FMN2: variants seen among roughly 807,000 people sequenced by gnomAD.
FMN2 encodes formin 2, also known as formin-2.
In FMN2, 51 loss-of-function variants were observed where a neutral mutation model predicts 142.3. That is an observed-to-expected ratio of 0.36 (90% confidence interval 0.29 to 0.45). The LOEUF (loss-of-function observed/expected upper bound fraction) is 0.45. Ranked by LOEUF, FMN2 falls within the 20% of genes least tolerant of loss-of-function variation. The pLI, the probability that FMN2 is intolerant of heterozygous loss-of-function variation, is 1.00. For synonymous variants in FMN2, 882 were observed against 869.8 expected (o/e 1.01, Z -0.25); for missense variants, 1,936 against 2,122.8 (o/e 0.91, Z 1.73).
chr1:240,121,768 T>G lies in FMN2; in HGVS notation c.1616-1411T>G, dbSNP rs182881814. Among the ~76,000 whole-genome samples the G allele has an allele frequency of 1.6e-3, 116 of 72,446 alleles. 1 individual carries two copies. The highest frequency in any genetic ancestry group is 0.019 in the Middle Eastern group (2 of 108). 47.5% of individuals were successfully genotyped at this position (72,446 alleles called of 152,430 possible). A position where few individuals can be genotyped will look rare whatever the true frequency, so the allele number is the denominator to read the frequency against. Reference sequence around the variant, plus strand: ...AAAAAAAAAAAAAAAAAAAAAAAAGTCCTTAAGTTCAGACCTATGCTAGAG... The same window carrying G: ...AAAAAAAAAAAAAAAAAAAAAAAAGGCCTTAAGTTCAGACCTATGCTAGAG... On this transcript the variant is annotated intron_variant, in intron 1 of 17. Transcript: ENST00000319653.
intron 16 of FMN2, among the ~76,000 whole-genome samples, chr1:240,467,744 AT>A (rs1318596215): frequency 6.6e-6 from 1 of 152,198 alleles, no homozygotes; most frequent in African/African-American, 2.4e-5. Flanking sequence ...TCGAGATGAA[AT>A]TTATTTTACT....
At chr1:240,114,292 C>T (rs1460378407) in intron 1 of FMN2, among the ~76,000 whole-genome samples, 1 of 152,184 alleles carries the variant, frequency 6.6e-6, no homozygotes, top group Non-Finnish European at 1.5e-5. Context: ...TACCTGGTAA[C>T]TAGTCCATCC....
intron 15 of FMN2, among the ~76,000 whole-genome samples, chr1:240,431,375 A>T (rs1257708327): frequency 6.8e-6 from 1 of 147,656 alleles, no homozygotes; most frequent in African/African-American, 2.5e-5. Context: ...TAAACTCCAT[A>T]GTGTTTTCTG....
At chr1:240,363,405 T>G (rs1014863431) in intron 14 of FMN2, among the ~76,000 whole-genome samples, 1 of 152,240 alleles carries the variant, frequency 6.6e-6, no homozygotes, top group African/African-American at 2.4e-5. Flanking sequence ...GGTGTGATTT[T>G]CTGTAGATTT....
chr1:240,296,725 C>G (rs974752904), intron 8 of FMN2, among the ~76,000 whole-genome samples: 10 of 151,450 alleles, frequency 6.6e-5, no homozygotes, highest in African/African-American at 2.4e-4. Flanking sequence ...AGATTGAGAC[C>G]GATGTAAGAC....
intron 1 of FMN2, among the ~76,000 whole-genome samples, chr1:240,120,252 T>C (rs1240427658): frequency 6.6e-6 from 1 of 152,218 alleles, no homozygotes; most frequent in East Asian, 1.9e-4. Flanking sequence ...ATGTAGTTAT[T>C]GTAACTGAAG....
rs61331977 is a variant in FMN2, at chr1:240,318,346, C to T, written c.4216-10730C>T. On this transcript the variant is annotated intron_variant, in intron 8 of 17. Coordinates refer to ENST00000319653, the MANE Select transcript of FMN2 (RefSeq NM_020066.5). ...CAGGTATTAAGAGAAAGGTTTTCTG[C>T]TCTGGCAGACCACTTTTTTCCTAGT... 7.0e-3 allele frequency among the ~76,000 whole-genome samples: 1,062 copies of T among 152,318 alleles called. 15 individuals carry two copies. Among genetic ancestry groups the T allele is most frequent in the African/African-American group, 0.024 (992 of 41,572 alleles).
At chr1:240,186,156 TGA>T (rs1226878998) in intron 3 of FMN2, among the ~76,000 whole-genome samples, 2 of 152,206 alleles carry the variant, frequency 1.3e-5, no homozygotes, top group Non-Finnish European at 2.9e-5. Flanking sequence ...TACTCCTAGC[TGA>T]GATTCAGAAA....
At chr1:240,204,479 G>A (rs146878739) in intron 4 of FMN2, among the ~76,000 whole-genome samples, 10 of 152,272 alleles carry the variant, frequency 6.6e-5, no homozygotes, top group South Asian at 2.1e-4. Flanking sequence ...GACCATGTGC[G>A]GTGGCTCACG....
At chr1:240,241,015 G>T (rs1375090555) in intron 6 of FMN2, among the ~76,000 whole-genome samples, 2 of 152,130 alleles carry the variant, frequency 1.3e-5, no homozygotes, top group African/African-American at 2.4e-5. Flanking sequence ...TGGAGACTTA[G>T]GATAGTTGGT....
intron 6 of FMN2, among the ~76,000 whole-genome samples, chr1:240,214,935 G>A (rs761003390): frequency 2.0e-5 from 3 of 152,108 alleles, no homozygotes; most frequent in Non-Finnish European, 4.4e-5. Flanking sequence ...GTGCAGTGGT[G>A]CATGTCTGTC....
At chr1:240,113,557 C>G (rs1020196972) in intron 1 of FMN2, among the ~76,000 whole-genome samples, 9 of 88,478 alleles carry the variant, frequency 1.0e-4, no homozygotes, top group African/African-American at 4.3e-4. Flanking sequence ...GACTCCGTCT[C>G]AAAAAAAAAA....
chr1:240,121,483 C>T (rs1662246159), intron 1 of FMN2, among the ~76,000 whole-genome samples: 1 of 150,772 alleles, frequency 6.6e-6, no homozygotes, highest in Admixed American at 6.6e-5. Context: ...TCAAGTGATT[C>T]TCTTGCCTCA....
At chr1:240,284,838 G>C (rs1190286796) in intron 7 of FMN2, among the ~76,000 whole-genome samples, 4 of 152,236 alleles carry the variant, frequency 2.6e-5, no homozygotes, top group Non-Finnish European at 4.4e-5. Context: ...GGCTGGGCTA[G>C]AGTGTGAACC....
intron 8 of FMN2, among the ~76,000 whole-genome samples, chr1:240,301,169 T>C (rs1670185136): frequency 8.5e-6 from 1 of 118,204 alleles, no homozygotes; most frequent in African/African-American, 4.3e-5. Context: ...CTTTTATTTC[T>C]ATTTTTTTTT....
intron 1 of FMN2, among the ~76,000 whole-genome samples, chr1:240,120,320 A>C (rs1484104094): frequency 6.6e-6 from 1 of 152,216 alleles, no homozygotes; most frequent in Non-Finnish European, 1.5e-5. Context: ...TACATGTTCA[A>C]AGTTGCTCAA....
Position 240,207,416 on chromosome 1 carries a change from C to A in FMN2, c.2604C>A (p.Ser868Arg). 1 of 1,613,846 alleles carries A rather than the reference C, an allele frequency of 6.2e-7. No individual in the cohort carries two copies. The highest frequency in any genetic ancestry group is 8.5e-7 in the Non-Finnish European group (1 of 1,179,870). Reference sequence around the variant, plus strand: ...CTCTGCCTTGCACAGAGTCCTCCAGCTCCATGCCTGGCCTGGGCATGGTGC... The same window carrying A: ...CTCTGCCTTGCACAGAGTCCTCCAGATCCATGCCTGGCCTGGGCATGGTGC... ...PPPLPCTESS[S>R]SMPGLGMVPP... Residue 868 changes from serine (S) to arginine (R), a missense_variant, in exon 5 of 18, where the codon AGC becomes AGA. Around this residue, in one of 8 missense-constraint regions of FMN2, gnomAD observed 478 missense variants for 462.8 expected, o/e 1.03. Transcript: ENST00000319653.
At chr1:240,127,252 T>C (rs1662550544) in intron 2 of FMN2, among the ~76,000 whole-genome samples, 3 of 151,992 alleles carry the variant, frequency 2.0e-5, no homozygotes, top group Non-Finnish European at 4.4e-5. Flanking sequence ...TTTGTATTTT[T>C]AATAGAGACA....
intron 14 of FMN2, among the ~76,000 whole-genome samples, chr1:240,361,885 C>A (rs1363686005): frequency 6.6e-6 from 1 of 152,128 alleles, no homozygotes; most frequent in Non-Finnish European, 1.5e-5. Flanking sequence ...CAGAGGAAAA[C>A]CAGGTGTTAG....
Sources: gnomAD v4.1 joint callset for allele counts (sites outside exome capture counted in the v4.1 genomes callset) on GRCh38, gnomAD v4.1.1 for gene constraint, gnomAD v4.1.1 regional missense constraint, MANE v1.5 for transcripts, NCBI Gene and HGNC (gene_info 2026-07-23, HGNC 2026-07-21) for gene names.